CSMD1: variants seen among roughly 807,000 people sequenced by gnomAD.
The protein encoded by CSMD1 is CUB and sushi domain-containing protein 1.
In CSMD1, 213 loss-of-function variants were observed where a neutral mutation model predicts 417.5. The observed-to-expected ratio is 0.51, with a 90% CI of 0.46 to 0.57. CSMD1 has a LOEUF of 0.57. Ranked by LOEUF, CSMD1 falls within the 20% of genes least tolerant of loss-of-function variation. The pLI is 0.00. For missense variants in CSMD1, 6,923 were observed against 4,529.7 expected, an observed-to-expected ratio of 1.53 and a Z score of -15.17; for synonymous variants, 2,862 against 1,736.8, an observed-to-expected ratio of 1.65 and a Z score of -16.11.
chr8:3,624,662 G>A (rs563645023), intron 7 of CSMD1, among the ~76,000 whole-genome samples: 1 of 152,130 alleles, frequency 6.6e-6, no homozygotes, highest in Non-Finnish European at 1.5e-5. Context: ...GAAATTTTTA[G>A]TAGCAGTCTC....
At chr8:4,833,120 T>C (rs1365410857) in intron 1 of CSMD1, among the ~76,000 whole-genome samples, 1 of 152,174 alleles carries the variant, frequency 6.6e-6, no homozygotes. Context: ...CATTTATTCG[T>C]CATTCTGAGA....
intron 50 of CSMD1, chr8:3,043,790 A>G (rs1303047249): frequency 6.6e-6 from 1 of 152,466 alleles, no homozygotes; most frequent in African/African-American, 2.4e-5. Flanking sequence ...AATTCAAAAA[A>G]CACATTATAA....
In CSMD1 at chr8:4,768,452, C is replaced by T. The variant is rs7839416; in HGVS notation, c.86-130894G>A. Among the ~76,000 whole-genome samples, 1,154 of 152,258 alleles carry T rather than the reference C, an allele frequency of 7.6e-3. 20 individuals are homozygous for T. The highest frequency in any genetic ancestry group is 0.027 in the African/African-American group (1,112 of 41,554). On this transcript the variant is annotated intron_variant, in intron 1 of 69. Coordinates refer to ENST00000635120, the MANE Select transcript of CSMD1 (RefSeq NM_033225.6). ...GTTAAACGTCAGGGAAACAAAAATG[C>T]ATTATTTGCAGTTGATTCTCTTAAA...
chr8:4,134,880 A>T (rs1444968644), intron 3 of CSMD1, among the ~76,000 whole-genome samples: 1 of 152,184 alleles, frequency 6.6e-6, no homozygotes, highest in African/African-American at 2.4e-5. Flanking sequence ...ATAAAGTTAC[A>T]CAAATTGCTC....
intron 5 of CSMD1, among the ~76,000 whole-genome samples, chr8:3,933,557 A>T (rs1189525218): frequency 6.6e-6 from 1 of 152,174 alleles, no homozygotes; most frequent in Non-Finnish European, 1.5e-5. Flanking sequence ...GAGTCCTGGC[A>T]AAACAGGATA....
At chr8:4,803,264 T>G (rs547149137) in intron 1 of CSMD1, among the ~76,000 whole-genome samples, 2 of 152,200 alleles carry the variant, frequency 1.3e-5, no homozygotes, top group African/African-American at 4.8e-5. Context: ...TACTGAGAAA[T>G]GTTATCCAAA....
At chr8:3,946,682 A>G (rs1563241046) in intron 5 of CSMD1, among the ~76,000 whole-genome samples, 2 of 152,090 alleles carry the variant, frequency 1.3e-5, no homozygotes, top group Non-Finnish European at 2.9e-5. Context: ...CTTCTCATTC[A>G]TGGTCTAGTG....
rs1439374625 is a variant in CSMD1 at position 3,894,596 on chromosome 8, G to A, written c.818+103307C>T. ...ATCCTATTGATTTGTTGTCTGTATGGGGCTATTTACAGAAAATAAATGCTC... is the reference window on the plus strand; with the variant it reads ...ATCCTATTGATTTGTTGTCTGTATGAGGCTATTTACAGAAAATAAATGCTC... On this transcript the variant is annotated intron_variant, in intron 5 of 69. Transcript: ENST00000635120. Among the ~76,000 whole-genome samples the A allele has an allele frequency of 2.0e-5, 3 of 151,976 alleles. No homozygotes were observed. In the East Asian group the frequency reaches 5.8e-4, roughly 29 times the overall value.
intron 3 of CSMD1, among the ~76,000 whole-genome samples, chr8:4,338,346 T>C (rs1800291032): frequency 6.6e-6 from 1 of 152,148 alleles, no homozygotes; most frequent in African/African-American, 2.4e-5. Context: ...TCCAGGGCTC[T>C]CTTAAGGAAA....
At chr8:3,310,105 G>T (rs983023353) in intron 23 of CSMD1, among the ~76,000 whole-genome samples, 2 of 152,180 alleles carry the variant, frequency 1.3e-5, no homozygotes, top group Non-Finnish European at 2.9e-5. Context: ...TCCACAAAGG[G>T]GAGGTAGAAA....
intron 1 of CSMD1, among the ~76,000 whole-genome samples, chr8:4,693,504 C>T (rs555111911): frequency 6.6e-6 from 1 of 152,136 alleles, no homozygotes; most frequent in Non-Finnish European, 1.5e-5. Context: ...TACTGTTCCT[C>T]TTTTTTCACT....
chr8:4,143,017 G>C (rs1213151949), intron 3 of CSMD1, among the ~76,000 whole-genome samples: 5 of 149,754 alleles, frequency 3.3e-5, no homozygotes, highest in Non-Finnish European at 4.4e-5. Context: ...TCTCCATTTA[G>C]GAACTAGTGT....
At chr8:4,003,285 C>T (rs1354442705) in intron 4 of CSMD1, among the ~76,000 whole-genome samples, 1 of 151,964 alleles carries the variant, frequency 6.6e-6, no homozygotes, top group African/African-American at 2.4e-5. Flanking sequence ...CCCAGCTACT[C>T]GCGAGGCTGA....
chr8:4,221,987 C>T (rs1171404192), intron 3 of CSMD1, among the ~76,000 whole-genome samples: 3 of 151,956 alleles, frequency 2.0e-5, no homozygotes, highest in Non-Finnish European at 4.4e-5. Flanking sequence ...AGCTGTCCAC[C>T]CAACGGTCTG....
At chr8:4,423,093 G>A (rs572199370) in intron 2 of CSMD1, among the ~76,000 whole-genome samples, 1 of 152,144 alleles carries the variant, frequency 6.6e-6, no homozygotes, top group South Asian at 2.1e-4. Context: ...ATAACATTTT[G>A]CTTAGTGGTT....
chr8:4,013,372 C>T (rs748979188), intron 4 of CSMD1, among the ~76,000 whole-genome samples: 1 of 152,110 alleles, frequency 6.6e-6, no homozygotes, highest in African/African-American at 2.4e-5. Flanking sequence ...CTGTCAGAAC[C>T]ACATTTCTGA....
At chr8:4,680,553 T>C (rs1047961667) in intron 1 of CSMD1, among the ~76,000 whole-genome samples, 2 of 152,132 alleles carry the variant, frequency 1.3e-5, no homozygotes, top group African/African-American at 4.8e-5. Flanking sequence ...TGAGCCAGCT[T>C]GATAGGGGGC....
At chr8:4,179,000 G>T (rs1317010213) in intron 3 of CSMD1, among the ~76,000 whole-genome samples, 1 of 152,094 alleles carries the variant, frequency 6.6e-6, no homozygotes, top group African/African-American at 2.4e-5. Flanking sequence ...TGGCCATACT[G>T]CCCAAGGTAA....
chr8:3,140,373 C>G (rs1563079357), intron 41 of CSMD1, among the ~76,000 whole-genome samples: 1 of 152,114 alleles, frequency 6.6e-6, no homozygotes, highest in African/African-American at 2.4e-5. Context: ...GTTTTTCTCT[C>G]TCGTGCTTCA....
Sources: gnomAD v4.1 joint callset for allele counts (sites outside exome capture counted in the v4.1 genomes callset) on GRCh38, gnomAD v4.1.1 for gene constraint, MANE v1.5 for transcripts, NCBI Gene and HGNC (gene_info 2026-07-23, HGNC 2026-07-21) for gene names.